POLR3A: variants seen among roughly 807,000 people sequenced by gnomAD.
POLR3A encodes RNA polymerase III subunit A, also known as DNA-directed RNA polymerase III subunit RPC1.
POLR3A carries 112 observed loss-of-function variants against 152.8 expected under a neutral mutation model. The ratio of observed to expected loss-of-function variants is 0.73; its 90% CI spans 0.63 to 0.86. POLR3A has a LOEUF of 0.86. Ranked by LOEUF, POLR3A falls within the 40% of genes least tolerant of loss-of-function variation. The pLI is 0.00. For missense variants in POLR3A, 1,385 were observed against 1,743.1 expected, an observed-to-expected ratio of 0.79 and a Z score of 3.66; for synonymous variants, 615 against 652.1, an observed-to-expected ratio of 0.94 and a Z score of 0.87.
intron 5 of POLR3A, among the ~76,000 whole-genome samples, chr10:78,023,681 C>T (rs1448781396): frequency 1.3e-5 from 2 of 150,040 alleles, no homozygotes; most frequent in African/African-American, 4.9e-5. Context: ...GGGAGGCTGA[C>T]ATGCAAGGAT....
chr10:78,025,592 T>A (rs907223955), intron 3 of POLR3A, 30 bp downstream of exon 3: 1 of 1,612,876 alleles, frequency 6.2e-7, no homozygotes, highest in Non-Finnish European at 8.5e-7. Context: ...CCAGAATTTA[T>A]GTCTTGGAAA....
intron 8 of POLR3A, among the ~76,000 whole-genome samples, chr10:78,021,309 A>G (rs1847576858): frequency 6.6e-6 from 1 of 152,188 alleles, no homozygotes; most frequent in Non-Finnish European, 1.5e-5. Flanking sequence ...AAAGTATAGC[A>G]TATATATGAG....
At chr10:78,023,445 G>A (rs1275099919) in intron 5 of POLR3A, among the ~76,000 whole-genome samples, 4 of 151,872 alleles carry the variant, frequency 2.6e-5, no homozygotes, top group Non-Finnish European at 4.4e-5. Context: ...GGGTGACTGA[G>A]CAACTCTGTC....
chr10:78,009,837 G>C (rs766832872), intron 13 of POLR3A, 27 bp downstream of exon 13: 2 of 1,612,918 alleles, frequency 1.2e-6, no homozygotes, highest in Non-Finnish European at 1.7e-6. Context: ...ACACACCTGT[G>C]CACCAACACA....
rs777770653 is a variant in POLR3A, at chr10:78,000,124, G to C, written c.2479-6C>G. 5.6e-6 allele frequency: 9 copies of C among 1,614,082 alleles called. No homozygotes were observed. In the South Asian group the frequency reaches 7.7e-5, roughly 14 times the overall value. ...AAGCCTTTGGCAGCTGGGAGCTAAA[G>C]AGAGGTAGAAAAAAGAAAAATCAAA... On this transcript the variant is annotated splice_polypyrimidine_tract_variant and splice_region_variant and intron_variant, in intron 18 of 30. Coordinates refer to ENST00000372371, the MANE Select transcript of POLR3A (RefSeq NM_007055.4).
intron 20 of POLR3A, among the ~76,000 whole-genome samples, chr10:77,992,504 G>A (rs964029409): frequency 2.2e-5 from 3 of 136,430 alleles, no homozygotes; most frequent in Non-Finnish European, 3.0e-5. Flanking sequence ...GTGCAGTGGT[G>A]TGATCTCAGT....
chr10:78,029,478 C>G lies in POLR3A; in HGVS notation c.-71G>C, dbSNP rs1442184489. The G allele has an allele frequency of 1.3e-6, 2 of 1,514,164 alleles. No individual in the cohort carries two copies. Among genetic ancestry groups the G allele is most frequent in the Non-Finnish European group, 9.2e-7 (1 of 1,092,012 alleles). 93.8% of individuals were successfully genotyped at this position (1,514,164 alleles called of 1,614,324 possible). ...TAGAGAAACGATGCCCCCAGCACCT[C>G]CTGGGGCTGCTTCTGGACTCGCCGC... On this transcript the variant is annotated 5_prime_UTR_variant, in exon 1 of 31. Coordinates refer to ENST00000372371, the MANE Select transcript of POLR3A (RefSeq NM_007055.4).
intron 6 of POLR3A, 24 bp from the exon 7 acceptor site, chr10:78,022,046 G>A (rs746366233): frequency 4.5e-5 from 72 of 1,614,042 alleles, no homozygotes; most frequent in Non-Finnish European, 5.8e-5. Context: ...AGCCCAAACA[G>A]AAACAAACCT....
At chr10:78,024,888 G>T in intron 4 of POLR3A, 83 bp downstream of exon 4, 1 of 1,550,354 alleles carries the variant, frequency 6.5e-7, no homozygotes, top group Non-Finnish European at 8.9e-7. Context: ...GCTGACTCCC[G>T]AACATTATGT....
At chr10:77,999,864 A>C (rs1361185065) in intron 19 of POLR3A, 117 bp downstream of exon 19, 2 of 1,053,096 alleles carry the variant, frequency 1.9e-6, no homozygotes. Context: ...TTTTCCTTTT[A>C]AATTTAACCC....
intron 26 of POLR3A, 67 bp downstream of exon 26, chr10:77,983,853 A>G: frequency 1.0e-6 from 1 of 963,932 alleles, no homozygotes; most frequent in Non-Finnish European, 1.7e-6. Context: ...CTCTTGCCCT[A>G]GTTTATCAGT....
At chr10:77,983,771 G>A (rs541296328) in intron 26 of POLR3A, 149 bp downstream of exon 26, 1 of 688,896 alleles carries the variant, frequency 1.5e-6, no homozygotes, top group Non-Finnish European at 2.7e-6. Context: ...AAGAAAATGT[G>A]AGGGGACAAC....
intron 24 of POLR3A, 46 bp from the exon 25 acceptor site, chr10:77,984,344 CTGTT>C (rs1847177425): frequency 9.1e-7 from 1 of 1,101,626 alleles, no homozygotes; most frequent in East Asian, 2.4e-5. Context: ...AGGGAGGAGG[CTGTT>C]TGAGGACTAC....
intron 26 of POLR3A, 82 bp downstream of exon 26, chr10:77,983,838 C>T (rs1847171254): frequency 2.3e-6 from 2 of 853,980 alleles, no homozygotes; most frequent in Admixed American, 3.7e-5. Context: ...CTCTGTCTTG[C>T]TTAGCTCTTG....
rs1001760383 is a variant in POLR3A, at chr10:78,019,508, G to A, written c.1186-243C>T. 81 of 555,186 alleles carry A rather than the reference G, an allele frequency of 1.5e-4. 1 individual carries two copies. Among genetic ancestry groups the A allele is most frequent in the Middle Eastern group, 9.8e-4 (2 of 2,040 alleles). 34.4% of individuals were successfully genotyped at this position (555,186 alleles called of 1,614,324 possible). A position where few individuals can be genotyped will look rare whatever the true frequency, so the allele number is the denominator to read the frequency against. On this transcript the variant is annotated intron_variant, in intron 8 of 30. Transcript: ENST00000372371. Reference sequence around the variant, plus strand: ...AGTGACATGGCCAATTCCTTTCCTGGTGCTTGGTTTCCTCACTGGTAAAAC... The same window carrying A: ...AGTGACATGGCCAATTCCTTTCCTGATGCTTGGTTTCCTCACTGGTAAAAC...
In POLR3A at chr10:78,029,286, C is replaced by T. The variant is rs149819569; in HGVS notation, c.44+78G>A. ...CTTCCCATTGCACCCCATCTCTGAC[C>T]CTGCAAGACCCGGGACCGCTGACCT... On this transcript the variant is annotated intron_variant, in intron 1 of 30. Transcript: ENST00000372371. The T allele has an allele frequency of 1.1e-3, 1,550 of 1,456,434 alleles. 22 individuals are homozygous for T. In the East Asian group the frequency reaches 0.022, roughly 21 times the overall value. 90.2% of individuals were successfully genotyped at this position (1,456,434 alleles called of 1,614,324 possible).
Position 78,021,588 on chromosome 10 carries a change from A to G in POLR3A, c.1143T>C (p.Ala381=), listed in dbSNP as rs372260297. The change falls in exon 8 of 31, where the codon GCT becomes GCC. Residue 381 remains alanine, a synonymous_variant. Coordinates refer to ENST00000372371, the MANE Select transcript of POLR3A (RefSeq NM_007055.4). ...GAATTTTGGCCACATGAACTGGCAC[A>G]GCTACCTCATCAATCCGGAGGTTGG... is the stretch of plus-strand genomic sequence containing the variant. ...PDPNLRIDEV[A]VPVHVAKILT... 2.7e-5 allele frequency: 43 copies of G among 1,614,030 alleles called. No individual in the cohort carries two copies. Among genetic ancestry groups the G allele is most frequent in the Non-Finnish European group, 3.5e-5 (41 of 1,179,988 alleles).
chr10:78,027,111 T>A (rs1369572527), intron 1 of POLR3A, among the ~76,000 whole-genome samples: 2 of 151,942 alleles, frequency 1.3e-5, no homozygotes, highest in Non-Finnish European at 2.9e-5. Flanking sequence ...AGCAGTGGAG[T>A]CTGAGGAATT....
At position 78,022,143 on chromosome 10, in the gene POLR3A, A is replaced by C. The variant is rs186640481; in HGVS notation, c.885+2T>G. On this transcript the variant is annotated splice_donor_variant, in intron 6 of 30. Transcript: ENST00000372371. LOFTEE classifies it high-confidence loss of function. ...ACTTACAAGGAAATGGGAGGCACTG[A>C]CCTTTTTAATAACATCGTTTAGGAA... 1 of 1,614,158 alleles carries C rather than the reference A, an allele frequency of 6.2e-7. No individual in the cohort carries two copies. Among genetic ancestry groups the C allele is most frequent in the East Asian group, 2.2e-5 (1 of 44,886 alleles).
Sources: gnomAD v4.1 joint callset for allele counts (sites outside exome capture counted in the v4.1 genomes callset) on GRCh38, gnomAD v4.1.1 for gene constraint, MANE v1.5 for transcripts, NCBI Gene and HGNC (gene_info 2026-07-23, HGNC 2026-07-21) for gene names.